The following WDR25 variants were observed in gnomAD, a reference collection of about 807,000 sequenced individuals.
WDR25 encodes WD repeat domain 25.
WDR25 carries 35 observed loss-of-function variants against 47.7 expected under a neutral mutation model. The observed-to-expected ratio is 0.73, with a 90% CI of 0.56 to 0.97. The LOEUF (loss-of-function observed/expected upper bound fraction) is 0.97, where lower values mean the gene tolerates loss of function less well. Among genes scored for constraint, WDR25 ranks in the 50% least tolerant of loss-of-function variants. The pLI is 0.00. For synonymous variants in WDR25, 248 were observed against 278.9 expected (o/e 0.89, Z 1.10); for missense variants, 634 against 704.7 (o/e 0.90, Z 1.14).
intron 2 of WDR25, among the ~76,000 whole-genome samples, chr14:100,462,573 A>G (rs781327901): frequency 2.0e-5 from 3 of 152,192 alleles, no homozygotes; most frequent in Non-Finnish European, 4.4e-5. Flanking sequence ...AGGAGAGCCA[A>G]GTGTGCGTTT....
At chr14:100,448,646 G>A (rs866571532) in intron 2 of WDR25, among the ~76,000 whole-genome samples, 6 of 152,274 alleles carry the variant, frequency 3.9e-5, no homozygotes, top group African/African-American at 1.4e-4. Context: ...GGCAATGTGG[G>A]CATGTGGCAG....
chr14:100,518,274 A>G (rs535222961), intron 4 of WDR25, among the ~76,000 whole-genome samples: 1 of 152,304 alleles, frequency 6.6e-6, no homozygotes, highest in Admixed American at 6.5e-5. Flanking sequence ...GATTGATGCT[A>G]ATTTACCACT....
In WDR25 at chr14:100,490,475, G is replaced by C. The variant is rs368449345; in HGVS notation, c.1101+6351G>C. Among the ~76,000 whole-genome samples, 10 of 152,358 alleles carry C rather than the reference G, an allele frequency of 6.6e-5. No individual in the cohort carries two copies. In the South Asian group the frequency reaches 2.1e-3, roughly 32 times the overall value. On this transcript the variant is annotated intron_variant, in intron 4 of 6. Transcript: ENST00000402312. ...CCTTGGATGGGAGTGATCTCAGGAT[G>C]ATAGTAATAGGAACTGGTAAAGCAG...
intron 2 of WDR25, among the ~76,000 whole-genome samples, chr14:100,442,269 A>G (rs1377259646): frequency 6.6e-6 from 1 of 151,938 alleles, no homozygotes. Context: ...TCCCTCAGCC[A>G]CAAAGCCAGT....
Position 100,392,439 on chromosome 14 carries a change from TG to T in WDR25, c.822+10694del, listed in dbSNP as rs1897166212. Among the ~76,000 whole-genome samples, 1 of 151,858 alleles carries T rather than the reference TG, an allele frequency of 6.6e-6. No individual in the cohort carries two copies. Among genetic ancestry groups the T allele is most frequent in the Non-Finnish European group, 1.5e-5 (1 of 67,994 alleles). On this transcript the variant is annotated intron_variant, in intron 2 of 6. Coordinates refer to ENST00000402312, the MANE Select transcript of WDR25 (RefSeq NM_001161476.3). This position sits in a 1 kb window ranked among gnomAD's most constrained non-coding sequence, Gnocchi z 4.2. ...GGGGTCCAAGCCTCTGTCACCCTCT[TG>T]CCCCTTCTCCTCTGCCCTTCCTTTG...
rs181125225 is a variant in WDR25, at chr14:100,464,618, C to T, written c.823-3403C>T. 3.9e-4 allele frequency among the ~76,000 whole-genome samples: 59 copies of T among 151,970 alleles called. 2 individuals carry two copies. Among genetic ancestry groups the T allele is most frequent in the African/African-American group, 1.3e-3 (54 of 41,380 alleles). Reference sequence around the variant, plus strand: ...TTTCCATCTCTCCCTCTCCTCATCTCCCACACCCCATCGCATCAACCCAGT... The same window carrying T: ...TTTCCATCTCTCCCTCTCCTCATCTTCCACACCCCATCGCATCAACCCAGT... On this transcript the variant is annotated intron_variant, in intron 2 of 6. Coordinates refer to ENST00000402312, the MANE Select transcript of WDR25 (RefSeq NM_001161476.3).
Position 100,430,550 on chromosome 14 carries a change from C to T in WDR25, c.823-37471C>T, listed in dbSNP as rs1457522094. ...TGGGTGTTGGATTTAATTAAAATAA[C>T]GGCTAGTCTTGATGTGCAAAATGGC... On this transcript the variant is annotated intron_variant, in intron 2 of 6. Coordinates refer to ENST00000402312, the MANE Select transcript of WDR25 (RefSeq NM_001161476.3). The surrounding 1 kb of genome is among the most constrained non-coding windows in gnomAD (Gnocchi z 4.7). Among the ~76,000 whole-genome samples the T allele has an allele frequency of 1.3e-5, 2 of 152,178 alleles. No homozygotes were observed. Among genetic ancestry groups the T allele is most frequent in the African/African-American group, 2.4e-5 (1 of 41,438 alleles).
intron 3 of WDR25, among the ~76,000 whole-genome samples, chr14:100,470,950 T>G (rs574693889): frequency 6.2e-4 from 95 of 152,302 alleles, no homozygotes; most frequent in African/African-American, 2.2e-3. Context: ...ATTCAACTGT[T>G]GAATGAACTG....
At chr14:100,395,612 C>A (rs1897241008) in intron 2 of WDR25, among the ~76,000 whole-genome samples, 1 of 152,224 alleles carries the variant, frequency 6.6e-6, no homozygotes, top group Non-Finnish European at 1.5e-5. Flanking sequence ...AGTCGTGTAA[C>A]TGTGGCAAGG....
At chr14:100,492,275 G>A (rs889351479) in intron 4 of WDR25, among the ~76,000 whole-genome samples, 1 of 152,206 alleles carries the variant, frequency 6.6e-6, no homozygotes, top group Non-Finnish European at 1.5e-5. Flanking sequence ...AGGCAGAAGT[G>A]GGCAATTGGT....
chr14:100,393,992 T>G (rs1040069206), intron 2 of WDR25, among the ~76,000 whole-genome samples: 6 of 152,226 alleles, frequency 3.9e-5, no homozygotes, highest in Admixed American at 2.0e-4. Context: ...CATTCTCATC[T>G]GTGAAATAAT....
At chr14:100,487,118 C>T (rs918607469) in intron 4 of WDR25, among the ~76,000 whole-genome samples, 5 of 152,126 alleles carry the variant, frequency 3.3e-5, no homozygotes, top group African/African-American at 9.7e-5. Context: ...CTCGTAAGGT[C>T]GTCAGTCATA....
chr14:100,469,303 G>T (rs981920367), intron 3 of WDR25, among the ~76,000 whole-genome samples: 14 of 152,334 alleles, frequency 9.2e-5, no homozygotes, highest in African/African-American at 3.4e-4. Context: ...AGTGTGGGCG[G>T]CCTTGCAGCT....
Position 100,449,481 on chromosome 14 carries a change from T to C in WDR25, c.823-18540T>C, listed in dbSNP as rs1245859704. On this transcript the variant is annotated intron_variant, in intron 2 of 6. Transcript: ENST00000402312. This position sits in a 1 kb window ranked among gnomAD's most constrained non-coding sequence, Gnocchi z 4.2. ...GGCCCTGCCCTGGCTGGCTGTTGCA[T>C]TGGGGTGGGAGAGGCTGTCTCAGCT... 1.3e-5 allele frequency among the ~76,000 whole-genome samples: 2 copies of C among 152,270 alleles called. No homozygotes were observed. The highest frequency in any genetic ancestry group is 1.9e-4 in the East Asian group (1 of 5,158).
intron 2 of WDR25, among the ~76,000 whole-genome samples, chr14:100,390,672 C>A (rs969225050): frequency 6.6e-6 from 1 of 152,154 alleles, no homozygotes; most frequent in African/African-American, 2.4e-5. Context: ...GTGCAGACTG[C>A]ACTCTCCATC....
intron 2 of WDR25, among the ~76,000 whole-genome samples, chr14:100,445,575 A>G (rs950661818): frequency 6.6e-6 from 1 of 152,200 alleles, no homozygotes; most frequent in African/African-American, 2.4e-5. Flanking sequence ...TGCTGCAGCC[A>G]TGTGACTCAG....
chr14:100,409,958 G>C (rs1897658366), intron 2 of WDR25, among the ~76,000 whole-genome samples: 1 of 152,106 alleles, frequency 6.6e-6, no homozygotes, highest in African/African-American at 2.4e-5. Flanking sequence ...CCCTCTCATT[G>C]GTTTTGTTGA....
rs1307610486 is a variant in WDR25, at chr14:100,500,169, G to T, written c.1101+16045G>T. On this transcript the variant is annotated intron_variant, in intron 4 of 6. Transcript: ENST00000402312. The surrounding 1 kb of genome is among the most constrained non-coding windows in gnomAD (Gnocchi z 4.7). ...GAGGAGGGCCAGCCTGACTGGATGG[G>T]GCGGCTCCCTCCTAGTGCATTGTGT... Among the ~76,000 whole-genome samples, 1 of 152,140 alleles carries T rather than the reference G, an allele frequency of 6.6e-6. No individual in the cohort carries two copies. The highest frequency in any genetic ancestry group is 2.4e-5 in the African/African-American group (1 of 41,434).
intron 3 of WDR25, among the ~76,000 whole-genome samples, chr14:100,470,848 C>T (rs1263126063): frequency 6.6e-6 from 1 of 152,238 alleles, no homozygotes; most frequent in Non-Finnish European, 1.5e-5. Context: ...AAGCATGGCC[C>T]TGCCCCCAGG....
Sources: allele counts gnomAD v4.1 joint callset (sites outside exome capture counted in the v4.1 genomes callset), GRCh38; gene constraint gnomAD v4.1.1; non-coding constraint Gnocchi (gnomAD v3.1); transcripts MANE v1.5; gene names NCBI Gene and HGNC (gene_info 2026-07-23, HGNC 2026-07-21).